Variants in TRMT61B observed in about 807,000 individuals in gnomAD.
TRMT61B encodes tRNA (adenine(58)-N(1))-methyltransferase, mitochondrial.
A neutral mutation model predicts 52.0 loss-of-function variants in TRMT61B; 56 were observed. The ratio of observed to expected loss-of-function variants is 1.08; its 90% CI spans 0.87 to 1.35. TRMT61B has a LOEUF of 1.35. TRMT61B is among the 40% of genes most tolerant of loss of function. TRMT61B has a pLI of 0.00. For missense variants in TRMT61B, 650 were observed against 577.9 expected (o/e 1.12, Z -1.28); for synonymous variants, 206 against 220.0 (o/e 0.94, Z 0.56).
At chr2:28,850,472 TA>T in intron 5 of TRMT61B, 67 bp from the exon 6 acceptor site, 1 of 1,068,316 alleles carries the variant, frequency 9.4e-7, no homozygotes, top group Non-Finnish European at 1.4e-6. Flanking sequence ...ACAAAACTGT[TA>T]AAATATGAGT....
intron 1 of TRMT61B, among the ~76,000 whole-genome samples, chr2:28,866,373 G>T (rs538437760): frequency 6.6e-5 from 10 of 152,214 alleles, no homozygotes; most frequent in Non-Finnish European, 1.5e-4. Context: ...CCGTTTCGTG[G>T]AAGACAGTTT....
intron 1 of TRMT61B, among the ~76,000 whole-genome samples, chr2:28,867,603 AC>A (rs1223291671): frequency 6.6e-6 from 1 of 152,218 alleles, no homozygotes; most frequent in African/African-American, 2.4e-5. Context: ...GAACAATGTG[AC>A]TTTTATCTGT....
intron 1 of TRMT61B, among the ~76,000 whole-genome samples, chr2:28,867,612 T>C (rs1416998493): frequency 2.0e-5 from 3 of 152,232 alleles, no homozygotes; most frequent in African/African-American, 4.8e-5. Flanking sequence ...GACTTTTATC[T>C]GTAACAAATG....
intron 1 of TRMT61B, among the ~76,000 whole-genome samples, chr2:28,866,713 G>A (rs1480970198): frequency 6.6e-6 from 1 of 152,166 alleles, no homozygotes; most frequent in Non-Finnish European, 1.5e-5. Context: ...TAGATTGGAG[G>A]ACCCACTTGC....
intron 3 of TRMT61B, among the ~76,000 whole-genome samples, chr2:28,858,640 C>A (rs1249846942): frequency 2.7e-5 from 4 of 150,844 alleles, no homozygotes; most frequent in African/African-American, 9.7e-5. Flanking sequence ...ACTAAAAACA[C>A]AAAAACTAGC....
Position 28,870,198 on chromosome 2 carries a change from A to G in TRMT61B, c.80T>C (p.Leu27Pro). 6.2e-7 allele frequency: 1 copy of G among 1,612,530 alleles called. No individual in the cohort carries two copies. The highest frequency in any genetic ancestry group is 8.5e-7 in the Non-Finnish European group (1 of 1,179,972). Residue 27 changes from leucine to proline, a missense_variant, in exon 1 of 7, where the codon CTG becomes CCG. Coordinates refer to ENST00000306108, the MANE Select transcript of TRMT61B (RefSeq NM_017910.4). ...AGCTCCCTCGAAGGGCTCCTGCCCC[A>G]GGCCGTGCAGGAATGAATTGGTTCC... ...GLGTNSFLHG[L>P]GQEPFEGARS...
chr2:28,865,093 C>T lies in TRMT61B; in HGVS notation c.726G>A (p.Met242Ile). 6.2e-7 allele frequency: 1 copy of T among 1,610,202 alleles called. No homozygotes were observed. The highest frequency in any genetic ancestry group is 1.1e-5 in the South Asian group (1 of 90,942). Residue 242 changes from methionine (M) to isoleucine (I), a missense_variant, in exon 2 of 7, where the codon ATG (methionine) becomes ATA (isoleucine). By Grantham distance (10) the Met-to-Ile change is conservative. Coordinates refer to ENST00000306108, the MANE Select transcript of TRMT61B (RefSeq NM_017910.4). ...PKDINMILSM[M>I]DINPGDTVLE... ...AAACAGTATCACCTGGGTTGATATC[C>T]ATCATTGAGAGAATCATATTAATAT...
At chr2:28,861,378 TG>T (rs1383843692) in intron 2 of TRMT61B, 70 bp from the exon 3 acceptor site, 1 of 1,273,592 alleles carries the variant, frequency 7.9e-7, no homozygotes, top group Non-Finnish European at 1.1e-6. Context: ...AAATGTATTT[TG>T]CAAAGGTACT....
chr2:28,869,710 C>T lies in TRMT61B; in HGVS notation c.568G>A (p.Gly190Ser). The T allele has an allele frequency of 6.2e-7, 1 of 1,614,176 alleles. No homozygotes were observed. The highest frequency in any genetic ancestry group is 8.5e-7 in the Non-Finnish European group (1 of 1,180,022). ...CCGGGGAACTTCCCCACGATCTTGC[C>T]GAACGGGACTGCCCCCCAGTTACTA... The part of the protein sequence containing the change: ...LNSNWGAVPF[G>S]KIVGKFPGQI... Residue 190 changes from glycine to serine, a missense_variant, in exon 1 of 7, where the codon GGC becomes AGC. Gly to Ser is a moderately conservative substitution (Grantham distance 56). Coordinates refer to ENST00000306108, the MANE Select transcript of TRMT61B (RefSeq NM_017910.4).
chr2:28,858,794 C>CAAAAA (rs1033258916), intron 3 of TRMT61B, among the ~76,000 whole-genome samples: 665 of 19,008 alleles, frequency 0.035, no homozygotes, highest in Non-Finnish European at 0.045. Context: ...GACTCCGTCT[C>CAAAAA]AAAAAAAAAA....
At position 28,849,979 on chromosome 2, in the gene TRMT61B, A is replaced by C; in HGVS notation, c.*220T>G. 6.8e-7 allele frequency: 1 copy of C among 1,463,918 alleles called. No individual in the cohort carries two copies. The highest frequency in any genetic ancestry group is 1.4e-5 in the African/African-American group (1 of 70,724). 90.7% of individuals were successfully genotyped at this position (1,463,918 alleles called of 1,614,324 possible). On this transcript the variant is annotated 3_prime_UTR_variant, in exon 7 of 7. Transcript: ENST00000306108. ...AAACCAATTTGGAATCATTAACTAC[A>C]AAATGTCAAACTAACTGCAAGACAA... is the stretch of plus-strand genomic sequence containing the variant.
chr2:28,862,000 G>A (rs996449830), intron 2 of TRMT61B: 10 of 152,126 alleles, frequency 6.6e-5, no homozygotes, highest in African/African-American at 2.4e-4. Context: ...TCAGGTGATT[G>A]AGACCATCCT....
chr2:28,858,447 A>C (rs530695224), intron 3 of TRMT61B, among the ~76,000 whole-genome samples: 5 of 151,884 alleles, frequency 3.3e-5, no homozygotes, highest in Non-Finnish European at 7.4e-5. Flanking sequence ...AGGTTACATA[A>C]AGGACTAGAG....
At chr2:28,852,934 G>A (rs1669186554) in intron 3 of TRMT61B, among the ~76,000 whole-genome samples, 2 of 152,118 alleles carry the variant, frequency 1.3e-5, no homozygotes, top group African/African-American at 4.8e-5. Context: ...ACTCCACCCT[G>A]GGCAAGAGTG....
At chr2:28,861,407 AT>A (rs1198258667) in intron 2 of TRMT61B, 99 bp from the exon 3 acceptor site, 3 of 907,260 alleles carry the variant, frequency 3.3e-6, no homozygotes, top group Admixed American at 3.5e-5. Context: ...TGTGAAAAAA[AT>A]AATTCAAATA....
chr2:28,855,876 C>G (rs1253086369), intron 3 of TRMT61B, among the ~76,000 whole-genome samples: 1 of 152,132 alleles, frequency 6.6e-6, no homozygotes, highest in Non-Finnish European at 1.5e-5. Context: ...GAGGCTGAGA[C>G]AGGAGAAATG....
intron 3 of TRMT61B, among the ~76,000 whole-genome samples, chr2:28,853,782 G>A (rs1305061141): frequency 6.6e-6 from 1 of 151,910 alleles, no homozygotes; most frequent in Non-Finnish European, 1.5e-5. Context: ...GTTGCAGTAA[G>A]CCAAGATTAA....
chr2:28,865,774 G>T (rs1239379988), intron 1 of TRMT61B, among the ~76,000 whole-genome samples: 1 of 149,956 alleles, frequency 6.7e-6, no homozygotes, highest in Admixed American at 6.7e-5. Context: ...TCCGCCTCCC[G>T]GGTTCAAGCG....
In TRMT61B at chr2:28,861,193, C is replaced by T. The variant is rs1217508061; in HGVS notation, c.918G>A (p.Trp306Ter). 2 of 1,613,628 alleles carry T rather than the reference C, an allele frequency of 1.2e-6. No homozygotes were observed. Among genetic ancestry groups the T allele is most frequent in the African/African-American group, 2.7e-5 (2 of 74,990 alleles). The change falls in exon 3 of 7, where the codon TGG (tryptophan) becomes TGA (stop). Residue 306 changes from tryptophan (W) to a stop codon, truncating the protein, a stop_gained. Transcript: ENST00000306108. LOFTEE classifies it high-confidence loss of function. ...TATGAATAAAATCCACATTGTCTGG[C>T]CACTCTTCTACATGACTTAATTTCC... Reference protein sequence around the residue: ...DSWKLSHVEEWPDNVDFIHKD... With the variant: ...DSWKLSHVEE
Sources: allele counts gnomAD v4.1 joint callset (sites outside exome capture counted in the v4.1 genomes callset), GRCh38; gene constraint gnomAD v4.1.1; transcripts MANE v1.5; gene names NCBI Gene and HGNC (gene_info 2026-07-23, HGNC 2026-07-21).